GNG7: variants seen among roughly 807,000 people sequenced by gnomAD.
The protein encoded by GNG7 is G protein subunit gamma 7, also known as guanine nucleotide-binding protein G(I)/G(S)/G(O) subunit gamma-7.
Under a neutral mutation model 4.0 loss-of-function variants are expected in GNG7, and 1 was observed. That is an observed-to-expected ratio of 0.25 (90% CI 0.09 to 1.18). GNG7 has a LOEUF of 1.18. Among genes scored for constraint, GNG7 ranks in the 50% most tolerant of loss-of-function variants. The pLI, the probability that GNG7 is intolerant of heterozygous loss-of-function variation, is 0.50. For missense variants in GNG7, 86 were observed against 91.9 expected (o/e 0.94, Z 0.26); for synonymous variants, 34 against 36.9 (o/e 0.92, Z 0.29).
intron 2 of GNG7, chr19:2,643,087 C>T (rs1341803711): frequency 6.6e-6 from 3 of 452,174 alleles, no homozygotes; most frequent in Non-Finnish European, 1.3e-5. Context: ...TTCCGCCTTG[C>T]GCCATTGGCA....
chr19:2,646,130 CCCGCCTTGA>C (rs1439813384), intron 2 of GNG7, 85 bp downstream of exon 2: 2 of 152,280 alleles, frequency 1.3e-5, no homozygotes, highest in African/African-American at 4.8e-5. Context: ...GGCCAAGACG[CCCGCCTTGA>C]CGGCAACCCC....
chr19:2,533,014 T>A (rs1317030481), intron 3 of GNG7, among the ~76,000 whole-genome samples: 1 of 151,974 alleles, frequency 6.6e-6, no homozygotes, highest in African/African-American at 2.4e-5. Flanking sequence ...AAGCTTTTAC[T>A]CATAACAGCA....
intron 1 of GNG7, among the ~76,000 whole-genome samples, chr19:2,674,056 G>A (rs1481188541): frequency 6.6e-6 from 1 of 152,154 alleles, no homozygotes; most frequent in Non-Finnish European, 1.5e-5. Flanking sequence ...CCAAGGTCAG[G>A]AGTTTGAGAC....
rs1029901066 is a variant in GNG7 at position 2,524,425 on chromosome 19, GTGTA to G, written c.-37-3704_-37-3701del. Among the ~76,000 whole-genome samples, 31 of 152,364 alleles carry G rather than the reference GTGTA, an allele frequency of 2.0e-4. 1 individual carries two copies. The highest frequency in any genetic ancestry group is 7.0e-4 in the African/African-American group (29 of 41,590). ...GTGGTGTGCATGTCAGTGTGCACAT[GTGTA>G]TGTGTGTGCACATGTGCATGTATGT... is the stretch of plus-strand genomic sequence containing the variant. On this transcript the variant is annotated intron_variant, in intron 3 of 4. Coordinates refer to ENST00000382159, the MANE Select transcript of GNG7 (RefSeq NM_052847.3).
chr19:2,608,162 G>A (rs1235242635), intron 2 of GNG7, among the ~76,000 whole-genome samples: 1 of 152,114 alleles, frequency 6.6e-6, no homozygotes, highest in African/African-American at 2.4e-5. Context: ...ACAGAGCGTG[G>A]CACGTCGGTT....
chr19:2,574,389 C>T (rs749004182), intron 2 of GNG7, among the ~76,000 whole-genome samples: 28 of 152,286 alleles, frequency 1.8e-4, no homozygotes, highest in Non-Finnish European at 3.5e-4. Flanking sequence ...ACTCCCTGTC[C>T]CCCTCCCCAG....
chr19:2,513,470 T>C lies in GNG7; in HGVS notation c.*1552A>G. On this transcript the variant is annotated 3_prime_UTR_variant, in exon 5 of 5. Coordinates refer to ENST00000382159, the MANE Select transcript of GNG7 (RefSeq NM_052847.3). ...CCCTGGAAGATGTGGCTGCACCTGCTCCCGTCCGTGCCGCAGAGGAGGACG... is the reference window on the plus strand; with the variant it reads ...CCCTGGAAGATGTGGCTGCACCTGCCCCCGTCCGTGCCGCAGAGGAGGACG... 1 of 974,546 alleles carries C rather than the reference T, an allele frequency of 1.0e-6. No homozygotes were observed. Among genetic ancestry groups the C allele is most frequent in the Middle Eastern group, 5.3e-4 (1 of 1,896 alleles). 60.4% of individuals were successfully genotyped at this position (974,546 alleles called of 1,614,324 possible). A position where few individuals can be genotyped will look rare whatever the true frequency, so the allele number is the denominator to read the frequency against.
At chr19:2,526,352 G>A (rs1327882699) in intron 3 of GNG7, among the ~76,000 whole-genome samples, 5 of 151,512 alleles carry the variant, frequency 3.3e-5, no homozygotes, top group African/African-American at 4.8e-5. Context: ...TGATCCACCC[G>A]CCTCGACCTC....
chr19:2,541,530 C>T (rs938316266), intron 3 of GNG7, among the ~76,000 whole-genome samples: 2 of 151,868 alleles, frequency 1.3e-5, no homozygotes, highest in Non-Finnish European at 1.5e-5. Flanking sequence ...GTCAGGAGTT[C>T]GAGACCAGCC....
At chr19:2,601,407 G>A (rs942281063) in intron 2 of GNG7, among the ~76,000 whole-genome samples, 3 of 152,112 alleles carry the variant, frequency 2.0e-5, no homozygotes, top group African/African-American at 4.8e-5. Flanking sequence ...GTCCTGCCAC[G>A]GCGCGGCTCG....
intron 2 of GNG7, among the ~76,000 whole-genome samples, chr19:2,616,041 G>T (rs887039988): frequency 6.6e-6 from 1 of 152,172 alleles, no homozygotes; most frequent in Non-Finnish European, 1.5e-5. Flanking sequence ...AACAGGGCAG[G>T]ATGGAAAAAA....
At chr19:2,655,255 G>A (rs1982936902) in intron 1 of GNG7, among the ~76,000 whole-genome samples, 1 of 151,162 alleles carries the variant, frequency 6.6e-6, no homozygotes, top group African/African-American at 2.4e-5. Flanking sequence ...AAAAAGAGGG[G>A]GTTAAATAAT....
intron 3 of GNG7, among the ~76,000 whole-genome samples, chr19:2,543,790 A>G (rs1357923979): frequency 6.6e-6 from 1 of 152,164 alleles, no homozygotes; most frequent in African/African-American, 2.4e-5. Flanking sequence ...AAGCAGAGCC[A>G]GCCTTGTGTG....
intron 2 of GNG7, among the ~76,000 whole-genome samples, chr19:2,616,149 C>T (rs1478207666): frequency 6.6e-6 from 1 of 152,202 alleles, no homozygotes; most frequent in African/African-American, 2.4e-5. Context: ...CACCTCACAC[C>T]TGTGATCCCA....
chr19:2,563,260 A>G (rs1355001997), intron 2 of GNG7, among the ~76,000 whole-genome samples: 1 of 151,472 alleles, frequency 6.6e-6, no homozygotes, highest in Non-Finnish European at 1.5e-5. Context: ...GTATTTTTCA[A>G]ATAATGAACA....
intron 2 of GNG7, among the ~76,000 whole-genome samples, chr19:2,608,081 T>C (rs1599419371): frequency 7.0e-6 from 1 of 143,592 alleles, no homozygotes. Flanking sequence ...TTAAGCCAAG[T>C]CAGTGGGAAG....
At chr19:2,592,571 G>GA (rs1980875623) in intron 2 of GNG7, among the ~76,000 whole-genome samples, 1 of 151,814 alleles carries the variant, frequency 6.6e-6, no homozygotes, top group South Asian at 2.1e-4. Context: ...CCTATCTCTA[G>GA]AAAAAATTTT....
chr19:2,553,310 A>G lies in GNG7; in HGVS notation c.-38+1839T>C, dbSNP rs546714583. 6.0e-5 allele frequency among the ~76,000 whole-genome samples: 9 copies of G among 150,778 alleles called. No homozygotes were observed. The East Asian group carries it at 1.7e-3, about 29-fold the overall frequency. ...TGGACAAATTCCTAGAAAAACGCGA[A>G]TGAAACAGATCAGCGATGGTTTCAG... On this transcript the variant is annotated intron_variant, in intron 3 of 4. Transcript: ENST00000382159.
chr19:2,568,025 A>C (rs1358516542), intron 2 of GNG7, among the ~76,000 whole-genome samples: 1 of 152,168 alleles, frequency 6.6e-6, no homozygotes, highest in Non-Finnish European at 1.5e-5. Flanking sequence ...ACGGGCATGC[A>C]AGCACACATG....
Sources: gnomAD v4.1 joint callset for allele counts (sites outside exome capture counted in the v4.1 genomes callset) on GRCh38, gnomAD v4.1.1 for gene constraint, MANE v1.5 for transcripts, NCBI Gene and HGNC (gene_info 2026-07-23, HGNC 2026-07-21) for gene names.